Variants in GABRB2 observed in about 807,000 individuals in gnomAD.
The protein encoded by GABRB2 is gamma-aminobutyric acid receptor subunit beta-2.
Under a neutral mutation model 54.7 loss-of-function variants are expected in GABRB2, and 16 were observed. The observed-to-expected ratio is 0.29, with a 90% CI of 0.20 to 0.44. GABRB2 has a LOEUF of 0.44. GABRB2 is among the 20% of genes least tolerant of loss of function. The pLI is 1.00. For missense variants in GABRB2, 355 were observed against 644.0 expected (o/e 0.55, Z 4.86); for synonymous variants, 244 against 233.8 (o/e 1.04, Z -0.40).
chr5:161,356,134 C>T lies in GABRB2; in HGVS notation c.542-19365G>A, dbSNP rs147648142. On this transcript the variant is annotated intron_variant, in intron 5 of 9. Coordinates refer to ENST00000393959, the MANE Select transcript of GABRB2 (RefSeq NM_001371727.1). ...CATGAATAGGATCATGTGAAGGCAA[C>T]AGTAAACTAATGTTTTGTGACTTTT... Among the ~76,000 whole-genome samples the T allele has an allele frequency of 2.3e-3, 344 of 152,180 alleles. 1 individual carries two copies. The highest frequency in any genetic ancestry group is 3.6e-3 in the Non-Finnish European group (248 of 67,978).
At chr5:161,373,123 T>A (rs1251920729) in intron 5 of GABRB2, among the ~76,000 whole-genome samples, 1 of 152,190 alleles carries the variant, frequency 6.6e-6, no homozygotes, top group Non-Finnish European at 1.5e-5. Context: ...GTGTGTTACA[T>A]AAAGACATCC....
At chr5:161,377,981 T>C (rs1755359451) in intron 5 of GABRB2, among the ~76,000 whole-genome samples, 1 of 152,098 alleles carries the variant, frequency 6.6e-6, no homozygotes, top group Admixed American at 6.6e-5. Context: ...AAATGTATTA[T>C]TAAAATTGCT....
intron 7 of GABRB2, among the ~76,000 whole-genome samples, chr5:161,332,655 T>C (rs949502900): frequency 1.3e-5 from 2 of 152,006 alleles, no homozygotes; most frequent in Admixed American, 6.5e-5. Flanking sequence ...AGTTATAGAG[T>C]TGCCATTGGA....
Position 161,392,187 on chromosome 5 carries a change from G to A in GABRB2, c.541+18788C>T, listed in dbSNP as rs146162004. 3.3e-5 allele frequency among the ~76,000 whole-genome samples: 5 copies of A among 152,180 alleles called. No homozygotes were observed. In the East Asian group the frequency reaches 5.8e-4, roughly 18 times the overall value. ...CAGGCCTCATGCCCATGGAGCCAACGCTGCTAAAATCTAATTCTAAGGGAA... is the reference window on the plus strand; with the variant it reads ...CAGGCCTCATGCCCATGGAGCCAACACTGCTAAAATCTAATTCTAAGGGAA... On this transcript the variant is annotated intron_variant, in intron 5 of 9. Transcript: ENST00000393959.
At chr5:161,415,922 T>TTTTCGTTTG (rs1756652009) in intron 4 of GABRB2, among the ~76,000 whole-genome samples, 1 of 146,004 alleles carries the variant, frequency 6.8e-6, no homozygotes, top group African/African-American at 2.6e-5. Context: ...CCCAAGTTTG[T>TTTTCGTTTG]TTTTGTTTTG....
chr5:161,292,895 G>A lies in GABRB2; in HGVS notation c.*1186C>T, dbSNP rs1344526633. 1 of 151,710 alleles carries A rather than the reference G, an allele frequency of 6.6e-6. No homozygotes were observed. The highest frequency in any genetic ancestry group is 6.6e-5 in the Admixed American group (1 of 15,250). 9.4% of individuals were successfully genotyped at this position (151,710 alleles called of 1,614,324 possible). ...CTCCTAAGAATATAATCAGAATTTT[G>A]GAAGCAAAAAAAAAGCTGGAGAGGA... On this transcript the variant is annotated 3_prime_UTR_variant, in exon 10 of 10. Coordinates refer to ENST00000393959, the MANE Select transcript of GABRB2 (RefSeq NM_001371727.1).
At chr5:161,361,833 T>A (rs1033628455) in intron 5 of GABRB2, among the ~76,000 whole-genome samples, 3 of 152,146 alleles carry the variant, frequency 2.0e-5, no homozygotes, top group Non-Finnish European at 4.4e-5. Context: ...TTATAAAAAA[T>A]TTAAAAATTA....
chr5:161,413,168 G>A (rs1382723447), intron 4 of GABRB2, among the ~76,000 whole-genome samples: 1 of 151,972 alleles, frequency 6.6e-6, no homozygotes, highest in African/African-American at 2.4e-5. Flanking sequence ...AGTATATGAT[G>A]GATGAATAAA....
At chr5:161,416,425 CAT>C (rs1047423628) in intron 4 of GABRB2, among the ~76,000 whole-genome samples, 3 of 152,004 alleles carry the variant, frequency 2.0e-5, no homozygotes, top group African/African-American at 7.2e-5. Context: ...TATGTTCAAA[CAT>C]GTGACTAAAC....
At chr5:161,356,636 A>G (rs76782438) in intron 5 of GABRB2, among the ~76,000 whole-genome samples, 2 of 152,308 alleles carry the variant, frequency 1.3e-5, no homozygotes, top group African/African-American at 4.8e-5. Flanking sequence ...GGATAGCAAC[A>G]GAGAGAACAT....
chr5:161,513,112 G>A (rs368778312), intron 3 of GABRB2, among the ~76,000 whole-genome samples: 5 of 150,944 alleles, frequency 3.3e-5, no homozygotes, highest in East Asian at 3.9e-4. Flanking sequence ...AAAAGGGAAC[G>A]CTTACACACT....
At chr5:161,316,855 A>G (rs1309362860) in intron 9 of GABRB2, among the ~76,000 whole-genome samples, 1 of 152,084 alleles carries the variant, frequency 6.6e-6, no homozygotes, top group Admixed American at 6.6e-5. Flanking sequence ...CAGGTGATCC[A>G]CCTGCCTCGG....
intron 7 of GABRB2, among the ~76,000 whole-genome samples, chr5:161,332,165 CAAAAAAAAA>C (rs5872708): frequency 4.3e-5 from 3 of 69,454 alleles, no homozygotes; most frequent in South Asian, 6.1e-4. Context: ...GACTCCGTCT[CAAAAAAAAA>C]AAAAAAAAAA....
intron 5 of GABRB2, 42 bp from the exon 6 acceptor site, chr5:161,336,811 AAAC>A (rs750717646): frequency 1.3e-6 from 2 of 1,542,512 alleles, no homozygotes; most frequent in African/African-American, 2.9e-5. Flanking sequence ...CAAATACAGA[AAAC>A]AAAAAAAAAA....
chr5:161,468,133 C>T (rs1469919023), intron 3 of GABRB2, among the ~76,000 whole-genome samples: 4 of 152,046 alleles, frequency 2.6e-5, no homozygotes, highest in Non-Finnish European at 5.9e-5. Flanking sequence ...GCCATTGTTA[C>T]TATCTCCTTG....
intron 4 of GABRB2, among the ~76,000 whole-genome samples, chr5:161,427,265 G>A (rs192717384): frequency 1.3e-4 from 20 of 152,288 alleles, no homozygotes; most frequent in Admixed American, 9.8e-4. Context: ...GTGATGATCA[G>A]CTGTTCACAT....
In GABRB2 at chr5:161,519,361, C is replaced by T. The variant is rs553346691; in HGVS notation, c.237+25866G>A. ...TTGGGCCTACATTAAGGCATTACCC[C>T]TTGTTTAAAGAAGAATATATTTCCC... On this transcript the variant is annotated intron_variant, in intron 3 of 9. Transcript: ENST00000393959. 4.4e-4 allele frequency among the ~76,000 whole-genome samples: 67 copies of T among 152,260 alleles called. 1 individual carries two copies. Among genetic ancestry groups the T allele is most frequent in the African/African-American group, 1.5e-3 (63 of 41,552 alleles).
chr5:161,461,783 C>T (rs184828640), intron 3 of GABRB2, among the ~76,000 whole-genome samples: 1 of 152,264 alleles, frequency 6.6e-6, no homozygotes, highest in African/African-American at 2.4e-5. Flanking sequence ...ACCTGAGAGG[C>T]TAGAGCAGTG....
At chr5:161,355,393 T>A (rs1254431324) in intron 5 of GABRB2, among the ~76,000 whole-genome samples, 1 of 149,728 alleles carries the variant, frequency 6.7e-6, no homozygotes, top group African/African-American at 2.4e-5. Context: ...TCATAACAAC[T>A]GTCACAGTTG....
Sources: gnomAD v4.1 joint callset for allele counts (sites outside exome capture counted in the v4.1 genomes callset) on GRCh38, gnomAD v4.1.1 for gene constraint, MANE v1.5 for transcripts, NCBI Gene and HGNC (gene_info 2026-07-23, HGNC 2026-07-21) for gene names.